Variants in DCAF8L2 observed in about 807,000 individuals in gnomAD.
DCAF8L2 encodes the protein DDB1 and CUL4 associated factor 8 like 2.
For synonymous variants in DCAF8L2, 200 were observed against 190.9 expected (o/e 1.05, Z -0.39); for missense variants, 430 against 490.7 (o/e 0.88, Z 1.17).
rs4009506 is a variant in DCAF8L2, at chrX:27,591,015, A to AT, written c.-342+575_-342+576insT. On this transcript the variant is annotated intron_variant, in intron 1 of 4. Coordinates refer to ENST00000451261, the MANE Select transcript of DCAF8L2 (RefSeq NM_001353450.2). ...TTTATATATATATATATATATATAT[A>AT]AATAAATAATTTGATAGGTTACATT... 5.8e-3 allele frequency among the ~76,000 whole-genome samples: 550 copies of AT among 94,844 alleles called. 2 individuals carry two copies. The highest frequency in any genetic ancestry group is 6.9e-3 in the Non-Finnish European group (327 of 47,414). 82.4% of individuals were successfully genotyped at this position (94,844 alleles called of 115,157 possible).
chrX:27,730,860 T>C (rs1475331914), intron 4 of DCAF8L2, among the ~76,000 whole-genome samples: 1 of 111,796 alleles, frequency 8.9e-6, no homozygotes, highest in East Asian at 2.8e-4. Context: ...AACCTTTGTT[T>C]TGGGGGACCT....
chrX:27,547,914 G>T, the DCAF8L2 span, among the ~76,000 whole-genome samples: 3 of 45,977 alleles, frequency 6.5e-5, no homozygotes, highest in Non-Finnish European at 7.2e-5. Context: ...TCTCTCTCCT[G>T]TTGCCATGTG....
chrX:27,726,509 T>C (rs770455308), intron 4 of DCAF8L2, among the ~76,000 whole-genome samples: 5 of 110,457 alleles, frequency 4.5e-5, no homozygotes, highest in Non-Finnish European at 9.5e-5. Context: ...TATTACAGAG[T>C]AAACCCACCC....
chrX:27,638,287 A>G (rs761154118), intron 2 of DCAF8L2, among the ~76,000 whole-genome samples: 5 of 111,675 alleles, frequency 4.5e-5, no homozygotes, highest in Non-Finnish European at 9.4e-5. Flanking sequence ...GTCATTGATC[A>G]GTTATGCTCC....
chrX:27,641,463 CTTTACTTTTCT>C (rs60204823), intron 2 of DCAF8L2, among the ~76,000 whole-genome samples: 34,033 of 93,428 alleles, frequency 0.36, 4,721 homozygotes, highest in Middle Eastern at 0.46. Flanking sequence ...CTTTCCTTTT[CTTTACTTTTCT>C]TTTTTTTTTT....
chrX:27,659,531 C>A (rs1252976179), intron 2 of DCAF8L2, among the ~76,000 whole-genome samples: 2 of 111,693 alleles, frequency 1.8e-5, no homozygotes, highest in Non-Finnish European at 3.8e-5. Flanking sequence ...TGTCTTGCTG[C>A]CAATCACAAC....
At chrX:27,623,926 A>G (rs1345303111) in intron 1 of DCAF8L2, among the ~76,000 whole-genome samples, 1 of 111,994 alleles carries the variant, frequency 8.9e-6, no homozygotes, top group East Asian at 2.8e-4. Context: ...AAACTTCTTA[A>G]TGTTCATCAA....
chrX:27,703,178 C>T (rs1449810723), intron 3 of DCAF8L2, among the ~76,000 whole-genome samples: 1 of 110,851 alleles, frequency 9.0e-6, no homozygotes, highest in Non-Finnish European at 1.9e-5. Context: ...CAAAACAGTT[C>T]GACAGAAATG....
At chrX:27,741,651 T>A (rs1921861505) in intron 4 of DCAF8L2, among the ~76,000 whole-genome samples, 1 of 111,639 alleles carries the variant, frequency 9.0e-6, no homozygotes, top group Admixed American at 9.6e-5. Flanking sequence ...CCTCGCTGAT[T>A]TCAGAGGTGT....
chrX:27,530,353 C>T, the DCAF8L2 span, among the ~76,000 whole-genome samples: 2 of 110,535 alleles, frequency 1.8e-5, no homozygotes, highest in Admixed American at 1.9e-4. Context: ...TACTCCCCCC[C>T]CAAACCCCGC....
the DCAF8L2 span, among the ~76,000 whole-genome samples, chrX:27,530,395 T>G: frequency 3.6e-5 from 4 of 110,913 alleles, no homozygotes; most frequent in Non-Finnish European, 3.8e-5. Context: ...GGAGAACTTA[T>G]TGTATATATC....
the DCAF8L2 span, among the ~76,000 whole-genome samples, chrX:27,479,578 A>G: frequency 2.6e-4 from 29 of 112,296 alleles, no homozygotes; most frequent in African/African-American, 8.7e-4. Context: ...TTTGTTACAT[A>G]AATTAAACAC....
chrX:27,578,524 A>G, the DCAF8L2 span, among the ~76,000 whole-genome samples: 1 of 112,165 alleles, frequency 8.9e-6, no homozygotes, highest in South Asian at 3.6e-4. Context: ...AAATATCAAA[A>G]GCAATTGCAA....
At chrX:27,645,581 G>T (rs192189758) in intron 2 of DCAF8L2, among the ~76,000 whole-genome samples, 1 of 111,714 alleles carries the variant, frequency 9.0e-6, no homozygotes, top group Non-Finnish European at 1.9e-5. Flanking sequence ...TCACTCAAAA[G>T]AAATAAATAA....
At chrX:27,506,108 A>T in the DCAF8L2 span, among the ~76,000 whole-genome samples, 1 of 112,198 alleles carries the variant, frequency 8.9e-6, no homozygotes, top group Non-Finnish European at 1.9e-5. Context: ...CTTTGCTCTT[A>T]GTAGATCAAT....
chrX:27,605,017 A>G (rs1171380795), intron 1 of DCAF8L2, among the ~76,000 whole-genome samples: 2 of 111,951 alleles, frequency 1.8e-5, no homozygotes, highest in Non-Finnish European at 3.8e-5. Flanking sequence ...TGAAACTCCT[A>G]CATAGCTTCC....
intron 3 of DCAF8L2, among the ~76,000 whole-genome samples, chrX:27,680,769 A>C (rs1217189351): frequency 1.0e-5 from 1 of 100,222 alleles, no homozygotes; most frequent in African/African-American, 4.4e-5. Flanking sequence ...GCTGTGTCCT[A>C]TAGTTAAAGG....
At chrX:27,655,757 C>T (rs1003463257) in intron 2 of DCAF8L2, among the ~76,000 whole-genome samples, 2 of 111,272 alleles carry the variant, frequency 1.8e-5, no homozygotes, top group Non-Finnish European at 3.8e-5. Flanking sequence ...CTAACTATTC[C>T]AGCTTACATG....
the DCAF8L2 span, among the ~76,000 whole-genome samples, chrX:27,564,642 G>A: frequency 1.8e-5 from 2 of 109,724 alleles, no homozygotes; most frequent in Non-Finnish European, 3.8e-5. Flanking sequence ...GGATAATGGC[G>A]AGACTGGAAA....
Sources: gnomAD v4.1 joint callset for allele counts (sites outside exome capture counted in the v4.1 genomes callset) on GRCh38, gnomAD v4.1.1 for gene constraint, MANE v1.5 for transcripts, NCBI Gene and HGNC (gene_info 2026-07-23, HGNC 2026-07-21) for gene names.